The following NBEAL1 variants were observed in gnomAD, a reference collection of about 807,000 sequenced individuals.
The protein encoded by NBEAL1 is neurobeachin-like protein 1.
NBEAL1 carries 273 observed loss-of-function variants against 351.3 expected under a neutral mutation model. That is an observed-to-expected ratio of 0.78 (90% CI 0.70 to 0.86). NBEAL1 has a LOEUF of 0.86. Ranked by LOEUF, NBEAL1 falls within the 40% of genes least tolerant of loss-of-function variation. The pLI, the probability that NBEAL1 is intolerant of heterozygous loss-of-function variation, is 0.00. For synonymous variants in NBEAL1, 1,050 were observed against 1,086.4 expected (o/e 0.97, Z 0.66); for missense variants, 2,961 against 3,201.3 (o/e 0.92, Z 1.81).
intron 47 of NBEAL1, among the ~76,000 whole-genome samples, chr2:203,195,970 G>C (rs993042655): frequency 1.3e-5 from 2 of 152,194 alleles, no homozygotes; most frequent in African/African-American, 4.8e-5. Flanking sequence ...TCAGTGTAAG[G>C]ATGAACTGTT....
intron 42 of NBEAL1, among the ~76,000 whole-genome samples, chr2:203,179,270 T>G (rs1353126937): frequency 6.6e-6 from 1 of 152,216 alleles, no homozygotes; most frequent in Non-Finnish European, 1.5e-5. Context: ...TTGAGCTTCA[T>G]TCAGCTACTA....
At chr2:203,071,319 G>T (rs1055909042) in intron 7 of NBEAL1, among the ~76,000 whole-genome samples, 1 of 152,092 alleles carries the variant, frequency 6.6e-6, no homozygotes, top group Non-Finnish European at 1.5e-5. Context: ...TCACCTTCTT[G>T]CTGTGTCCTC....
intron 2 of NBEAL1, among the ~76,000 whole-genome samples, chr2:203,026,441 A>G (rs1268706411): frequency 1.3e-5 from 2 of 152,184 alleles, no homozygotes; most frequent in Non-Finnish European, 2.9e-5. Flanking sequence ...AAGACTTCAC[A>G]TAATTGAAAA....
intron 39 of NBEAL1, 104 bp from the exon 40 acceptor site, chr2:203,171,824 T>TC: frequency 2.5e-6 from 1 of 393,574 alleles, no homozygotes; most frequent in Non-Finnish European, 4.5e-6. Context: ...TGTTGTACCT[T>TC]TTTTTTTTTT....
rs1175867230 is a variant in NBEAL1, at chr2:203,138,355, A to G, written c.4719+40A>G. 3.8e-6 allele frequency: 6 copies of G among 1,571,354 alleles called. No homozygotes were observed. The East Asian group carries it at 1.3e-4, about 35-fold the overall frequency. ...CTTTAAAATTATATTTTGGGTAGTTAAGAACTTTATTCAAAGAAAAATTTT... is the reference window on the plus strand; with the variant it reads ...CTTTAAAATTATATTTTGGGTAGTTGAGAACTTTATTCAAAGAAAAATTTT... On this transcript the variant is annotated intron_variant, in intron 30 of 55. Coordinates refer to ENST00000683969, the MANE Select transcript of NBEAL1 (RefSeq NM_001378026.1).
At chr2:203,026,916 T>C (rs1018000383) in intron 2 of NBEAL1, among the ~76,000 whole-genome samples, 5 of 152,262 alleles carry the variant, frequency 3.3e-5, no homozygotes, top group Non-Finnish European at 7.3e-5. Flanking sequence ...GTTAAAGACG[T>C]ACAGTAAAAT....
intron 40 of NBEAL1, among the ~76,000 whole-genome samples, chr2:203,172,484 G>A (rs753129775): frequency 4.6e-5 from 7 of 152,012 alleles, no homozygotes; most frequent in African/African-American, 9.7e-5. Flanking sequence ...TCATGACACT[G>A]CACTCCAGCC....
chr2:203,169,911 ACTT>A (rs2064267018), intron 39 of NBEAL1, 60 bp downstream of exon 39: 7 of 1,032,016 alleles, frequency 6.8e-6, no homozygotes, highest in African/African-American at 1.6e-5. Flanking sequence ...GTAAAACTTG[ACTT>A]CTTCTGATTT....
At chr2:203,050,050 A>G in intron 4 of NBEAL1, 75 bp downstream of exon 4, 1 of 1,386,284 alleles carries the variant, frequency 7.2e-7, no homozygotes. Flanking sequence ...GGAGATGAGG[A>G]GGGGAACATC....
Position 203,222,325 on chromosome 2 carries a change from T to C in NBEAL1, c.*4971T>C, listed in dbSNP as rs1319434600. On this transcript the variant is annotated 3_prime_UTR_variant, in exon 56 of 56. Coordinates refer to ENST00000683969, the MANE Select transcript of NBEAL1 (RefSeq NM_001378026.1). ...CTGCTTTGGACTTCATGAATCTCTT[T>C]GCTTGATATTCTTGGTATTAAAAAA... Among the ~76,000 whole-genome samples the C allele has an allele frequency of 1.3e-5, 2 of 152,240 alleles. No homozygotes were observed. The highest frequency in any genetic ancestry group is 2.9e-5 in the Non-Finnish European group (2 of 68,034).
intron 39 of NBEAL1, among the ~76,000 whole-genome samples, chr2:203,170,244 C>T (rs11695863): frequency 0.59 from 88,988 of 151,620 alleles, 27,480 homozygotes; most frequent in Middle Eastern, 0.78. Context: ...TGTTGGCGGG[C>T]GCCTGTAATC....
At chr2:203,021,903 T>G (rs2060777990) in intron 2 of NBEAL1, among the ~76,000 whole-genome samples, 1 of 151,666 alleles carries the variant, frequency 6.6e-6, no homozygotes, top group African/African-American at 2.4e-5. Flanking sequence ...CAAAAAAAAT[T>G]AGCCAGGCAC....
At chr2:203,170,542 T>C (rs1215237756) in intron 39 of NBEAL1, among the ~76,000 whole-genome samples, 1 of 152,162 alleles carries the variant, frequency 6.6e-6, no homozygotes, top group Non-Finnish European at 1.5e-5. Context: ...CCAGTGTCAC[T>C]TGGATTTGTT....
chr2:203,056,372 CAT>C (rs1156453586), intron 4 of NBEAL1, 53 bp from the exon 5 acceptor site: 2 of 915,766 alleles, frequency 2.2e-6, no homozygotes, highest in East Asian at 2.6e-5. Context: ...AATTCATGAA[CAT>C]ATGTTTTGTT....
intron 7 of NBEAL1, among the ~76,000 whole-genome samples, chr2:203,072,666 A>G (rs2061701680): frequency 6.6e-6 from 1 of 152,120 alleles, no homozygotes; most frequent in South Asian, 2.1e-4. Context: ...GTTCTTTGCC[A>G]CTTTATAATA....
At chr2:203,022,864 AT>A (rs2060792933) in intron 2 of NBEAL1, among the ~76,000 whole-genome samples, 2 of 152,088 alleles carry the variant, frequency 1.3e-5, no homozygotes, top group Admixed American at 1.3e-4. Context: ...TTGAATAATG[AT>A]TTGAGGGTCC....
At chr2:203,130,577 C>A (rs2063050687) in intron 25 of NBEAL1, 101 bp downstream of exon 25, 2 of 746,754 alleles carry the variant, frequency 2.7e-6, no homozygotes, top group Admixed American at 4.3e-5. Flanking sequence ...ATTTTTATAT[C>A]TATTTCTCTA....
chr2:203,152,090 T>C (rs2063670357), intron 35 of NBEAL1, among the ~76,000 whole-genome samples: 1 of 151,918 alleles, frequency 6.6e-6, no homozygotes, highest in South Asian at 2.1e-4. Flanking sequence ...CCCAAGTAGC[T>C]GGGATTACAG....
chr2:203,029,704 A>AAG (rs1437526544), intron 2 of NBEAL1, among the ~76,000 whole-genome samples: 5 of 151,942 alleles, frequency 3.3e-5, no homozygotes, highest in African/African-American at 1.2e-4. Context: ...AAAAAAAAAA[A>AAG]AAAGCTAATA....
Sources: gnomAD v4.1 joint callset for allele counts (sites outside exome capture counted in the v4.1 genomes callset) on GRCh38, gnomAD v4.1.1 for gene constraint, MANE v1.5 for transcripts, NCBI Gene and HGNC (gene_info 2026-07-23, HGNC 2026-07-21) for gene names.